Variants in TBXAS1 observed in about 807,000 individuals in gnomAD.
TBXAS1 encodes thromboxane A synthase 1, also known as thromboxane-A synthase.
In TBXAS1, 48 loss-of-function variants were observed where a neutral mutation model predicts 60.7. The ratio of observed to expected loss-of-function variants is 0.79; its 90% CI spans 0.63 to 1.01. The LOEUF (loss-of-function observed/expected upper bound fraction) is 1.01, where lower values mean the gene tolerates loss of function less well. Among genes scored for constraint, TBXAS1 ranks in the 50% least tolerant of loss-of-function variants. The pLI is 0.00. For synonymous variants in TBXAS1, 287 were observed against 269.7 expected (o/e 1.06, Z -0.63); for missense variants, 685 against 686.3 (o/e 1.00, Z 0.02).
At chr7:139,983,770 A>G (rs1812129168) in intron 9 of TBXAS1, among the ~76,000 whole-genome samples, 1 of 152,188 alleles carries the variant, frequency 6.6e-6, no homozygotes, top group African/African-American at 2.4e-5. Context: ...TTTCAAAGAA[A>G]GCCATTTTCC....
intron 4 of TBXAS1, among the ~76,000 whole-genome samples, chr7:139,814,907 G>A (rs181310593): frequency 1.3e-5 from 2 of 152,248 alleles, no homozygotes; most frequent in East Asian, 1.9e-4. Flanking sequence ...AGCTCCCTGA[G>A]CACAGGGCAC....
chr7:139,784,835 G>A (rs73475941), intron 3 of TBXAS1, among the ~76,000 whole-genome samples: 2,100 of 152,238 alleles, frequency 0.014, 42 homozygotes, highest in African/African-American at 0.048. Context: ...GCTCAGCCAA[G>A]GGTTTTTAAT....
chr7:139,986,406 A>T (rs969839233), intron 9 of TBXAS1, among the ~76,000 whole-genome samples: 1 of 152,052 alleles, frequency 6.6e-6, no homozygotes, highest in Admixed American at 6.5e-5. Flanking sequence ...AACAGGTGGT[A>T]TTTGGTTACA....
chr7:139,930,919 G>A (rs930832264), intron 4 of TBXAS1, among the ~76,000 whole-genome samples: 1 of 152,146 alleles, frequency 6.6e-6, no homozygotes, highest in African/African-American at 2.4e-5. Context: ...AATTGTGACT[G>A]ACAGGATTGT....
At chr7:139,799,922 A>G (rs73475985) in intron 4 of TBXAS1, among the ~76,000 whole-genome samples, 2,116 of 152,192 alleles carry the variant, frequency 0.014, 43 homozygotes, top group African/African-American at 0.049. Flanking sequence ...CCCATATCCC[A>G]TCACCCTCTA....
intron 8 of TBXAS1, among the ~76,000 whole-genome samples, chr7:139,960,052 A>C (rs757942536): frequency 3.9e-5 from 6 of 152,182 alleles, no homozygotes; most frequent in Non-Finnish European, 7.3e-5. Flanking sequence ...GCCAGGGTGG[A>C]ATGAAGCCAC....
At chr7:139,822,617 C>T (rs1233723077) in intron 4 of TBXAS1, among the ~76,000 whole-genome samples, 1 of 152,200 alleles carries the variant, frequency 6.6e-6, no homozygotes, top group Admixed American at 6.5e-5. Flanking sequence ...CTTCCTTCCC[C>T]GAGTCCCTGT....
At chr7:139,804,752 AC>A (rs1797803304) in intron 4 of TBXAS1, among the ~76,000 whole-genome samples, 2 of 152,204 alleles carry the variant, frequency 1.3e-5, no homozygotes, top group Non-Finnish European at 2.9e-5. Flanking sequence ...CTTGCCTGCC[AC>A]CATGTAAGAC....
At chr7:139,924,865 T>C (rs776362533) in intron 4 of TBXAS1, among the ~76,000 whole-genome samples, 2 of 152,372 alleles carry the variant, frequency 1.3e-5, no homozygotes, top group African/African-American at 2.4e-5. Context: ...AGTTTCATCA[T>C]TCTTCATATG....
intron 9 of TBXAS1, among the ~76,000 whole-genome samples, chr7:139,980,778 C>T (rs1247017919): frequency 1.3e-5 from 2 of 152,008 alleles, no homozygotes; most frequent in South Asian, 4.2e-4. Flanking sequence ...TGAGCCTGGC[C>T]TGGCATTCTC....
chr7:139,951,950 A>G (rs1584937169), intron 5 of TBXAS1, among the ~76,000 whole-genome samples: 1 of 42,006 alleles, frequency 2.4e-5, no homozygotes, highest in African/African-American at 9.1e-5. Flanking sequence ...GGAAAGAAAG[A>G]AAAGAAAGAA....
intron 4 of TBXAS1, among the ~76,000 whole-genome samples, chr7:139,799,232 C>T (rs1342573063): frequency 5.4e-5 from 6 of 111,766 alleles, no homozygotes; most frequent in African/African-American, 1.8e-4. Context: ...TCAAGCCCAG[C>T]TAATTTTTTT....
intron 9 of TBXAS1, among the ~76,000 whole-genome samples, chr7:139,988,181 A>G (rs921439681): frequency 6.6e-6 from 1 of 152,184 alleles, no homozygotes; most frequent in African/African-American, 2.4e-5. Context: ...TTAATTGCCA[A>G]ACTTTTAAAC....
intron 3 of TBXAS1, among the ~76,000 whole-genome samples, chr7:139,904,997 C>CTCCTTCTTTCTT (rs1554487079): frequency 2.1e-5 from 2 of 93,132 alleles, no homozygotes; most frequent in South Asian, 7.8e-4. Flanking sequence ...CTCTCTTTCT[C>CTCCTTCTTTCTT]TCTTTCTCTC....
At chr7:139,949,581 G>A (rs1809032970) in intron 5 of TBXAS1, among the ~76,000 whole-genome samples, 1 of 152,168 alleles carries the variant, frequency 6.6e-6, no homozygotes, top group Non-Finnish European at 1.5e-5. Context: ...TGACCCATTG[G>A]CACACCCTTT....
At chr7:139,894,532 G>GT (rs1554484565) in intron 3 of TBXAS1, among the ~76,000 whole-genome samples, 6 of 152,130 alleles carry the variant, frequency 3.9e-5, no homozygotes, top group Non-Finnish European at 1.5e-5. Flanking sequence ...TGAGACCTGC[G>GT]TTTATTCCCC....
At chr7:139,837,064 C>G (rs887772868) in intron 1 of TBXAS1, among the ~76,000 whole-genome samples, 3 of 152,150 alleles carry the variant, frequency 2.0e-5, no homozygotes, top group Admixed American at 1.3e-4. Flanking sequence ...AAATGCTCAA[C>G]AACACTAACG....
chr7:139,885,236 T>C (rs1244323550), intron 3 of TBXAS1, among the ~76,000 whole-genome samples: 2 of 152,252 alleles, frequency 1.3e-5, no homozygotes, highest in African/African-American at 2.4e-5. Flanking sequence ...ATGGCATCAG[T>C]ACCTTCTTTA....
At chr7:139,909,071 T>G (rs1485731699) in intron 3 of TBXAS1, among the ~76,000 whole-genome samples, 1 of 152,190 alleles carries the variant, frequency 6.6e-6, no homozygotes, top group Non-Finnish European at 1.5e-5. Context: ...GATAATACAT[T>G]ATTTCTCTCT....
Sources: allele counts gnomAD v4.1 joint callset (sites outside exome capture counted in the v4.1 genomes callset), GRCh38; gene constraint gnomAD v4.1.1; transcripts MANE v1.5; gene names NCBI Gene and HGNC (gene_info 2026-07-23, HGNC 2026-07-21).